The following PCDHGB3 variants were observed in gnomAD, a reference collection of about 807,000 sequenced individuals.
PCDHGB3 encodes the protein protocadherin gamma subfamily B, 3.
Under a neutral mutation model 59.2 loss-of-function variants are expected in PCDHGB3, and 40 were observed. The observed-to-expected ratio is 0.68, with a 90% CI of 0.52 to 0.88. PCDHGB3 has a LOEUF of 0.88. Among genes scored for constraint, PCDHGB3 ranks in the 40% least tolerant of loss-of-function variants. PCDHGB3 has a pLI of 0.00. For missense variants in PCDHGB3, 1,309 were observed against 1,187.9 expected, an observed-to-expected ratio of 1.10 and a Z score of -1.50; for synonymous variants, 581 against 503.6, an observed-to-expected ratio of 1.15 and a Z score of -2.06.
intron 1 of PCDHGB3, among the ~76,000 whole-genome samples, chr5:141,484,009 T>A (rs1157069536): frequency 7.1e-5 from 1 of 14,094 alleles, no homozygotes; most frequent in African/African-American, 2.8e-4. Flanking sequence ...TGGATGAGGG[T>A]GGGGGTGGGG....
chr5:141,479,710 T>C (rs901198074), intron 1 of PCDHGB3: 1 of 152,264 alleles, frequency 6.6e-6, no homozygotes, highest in African/African-American at 2.4e-5. Flanking sequence ...GTCCCTGTCC[T>C]TCCAGCCTTA....
At chr5:141,433,358 CCTATCTATCTATCTATCTAT>C (rs3074541) in intron 1 of PCDHGB3, 19 of 503,934 alleles carry the variant, frequency 3.8e-5, no homozygotes, top group South Asian at 2.3e-4. Flanking sequence ...CTACTGTCTG[CCTATCTATCTATCTATCTAT>C]CTATCTATCT....
intron 1 of PCDHGB3, chr5:141,383,640 C>A (rs1305472453): frequency 3.1e-6 from 5 of 1,613,848 alleles, no homozygotes; most frequent in Non-Finnish European, 4.2e-6. Flanking sequence ...TGCCTCAGTA[C>A]CAAGTAACTG....
chr5:141,421,353 G>C, intron 1 of PCDHGB3: 1 of 1,613,998 alleles, frequency 6.2e-7, no homozygotes, highest in Non-Finnish European at 8.5e-7. Flanking sequence ...AGACCGAAAA[G>C]GGCTCCTTCG....
intron 2 of PCDHGB3, 114 bp from the exon 3 acceptor site, chr5:141,505,279 C>A (rs780513022): frequency 1.3e-6 from 2 of 1,541,274 alleles, no homozygotes; most frequent in Non-Finnish European, 1.7e-6. Flanking sequence ...AGAAACAGGT[C>A]TTGGGCATGG....
chr5:141,395,546 G>GTT (rs2093266838), intron 1 of PCDHGB3: 4 of 32,300 alleles, frequency 1.2e-4, no homozygotes, highest in African/African-American at 9.9e-4. Context: ...TATTGTTTGT[G>GTT]TGTGTGTGTG....
rs574393099 is a variant in PCDHGB3 at position 141,372,200 on chromosome 5, C to T, written c.1806C>T (p.Ala602=). The change falls in exon 1 of 4, where the codon GCC becomes GCT. Residue 602 remains alanine, a synonymous_variant. Transcript: ENST00000576222. ...VAVDADSGYN[A]WLSYHIVQAS... is the part of the protein sequence containing the mutation. ...TGGACGCAGACTCGGGATACAACGC[C>T]TGGCTGTCCTACCACATTGTGCAGG... The T allele has an allele frequency of 2.0e-5, 32 of 1,613,598 alleles. No individual in the cohort carries two copies. The South Asian group carries it at 3.4e-4, about 17-fold the overall frequency.
intron 1 of PCDHGB3, chr5:141,383,860 G>A: frequency 6.2e-7 from 1 of 1,613,926 alleles, no homozygotes; most frequent in Non-Finnish European, 8.5e-7. Flanking sequence ...GGAGGTTCAG[G>A]CTCAAGATGG....
intron 1 of PCDHGB3, chr5:141,385,740 T>A: frequency 4.9e-6 from 1 of 202,756 alleles, no homozygotes; most frequent in Non-Finnish European, 8.9e-6. Context: ...ATTTCTTCCA[T>A]GTGAAGATTT....
chr5:141,477,749 C>A lies in PCDHGB3; in HGVS notation c.2416-17058C>A, dbSNP rs2099417192. The A allele has an allele frequency of 6.2e-7, 1 of 1,613,786 alleles. No homozygotes were observed. Among genetic ancestry groups the A allele is most frequent in the African/African-American group, 1.3e-5 (1 of 74,928 alleles). ...AGCTCATATCAGCGATGGGGGCACCCCGGTCCTAGCCACCAACATCAGCGT... is the reference window on the plus strand; with the variant it reads ...AGCTCATATCAGCGATGGGGGCACCACGGTCCTAGCCACCAACATCAGCGT... On this transcript the variant is annotated intron_variant, in intron 1 of 3. Coordinates refer to ENST00000576222, the MANE Select transcript of PCDHGB3 (RefSeq NM_018924.5). This position sits in a 1 kb window ranked among gnomAD's most constrained non-coding sequence, Gnocchi z 4.9.
chr5:141,476,281 T>G lies in PCDHGB3; in HGVS notation c.2416-18526T>G. On this transcript the variant is annotated intron_variant, in intron 1 of 3. Coordinates refer to ENST00000576222, the MANE Select transcript of PCDHGB3 (RefSeq NM_018924.5). This position sits in a 1 kb window ranked among gnomAD's most constrained non-coding sequence, Gnocchi z 7.6. ...TGGGCAACGTGGTCGCGAACCTTGGTTTGGATCTCGGTAGCCTCTCAGCCC... is the reference window on the plus strand; with the variant it reads ...TGGGCAACGTGGTCGCGAACCTTGGGTTGGATCTCGGTAGCCTCTCAGCCC... 1 of 1,614,048 alleles carries G rather than the reference T, an allele frequency of 6.2e-7. No homozygotes were observed. The highest frequency in any genetic ancestry group is 1.1e-5 in the South Asian group (1 of 91,062).
chr5:141,474,210 A>G (rs1054533367), intron 1 of PCDHGB3, among the ~76,000 whole-genome samples: 3 of 152,230 alleles, frequency 2.0e-5, no homozygotes, highest in Non-Finnish European at 4.4e-5. Context: ...ATTTTCAAAA[A>G]CCAGATTGTG....
rs1025148587 is a variant in PCDHGB3 at position 141,431,434 on chromosome 5, C to A, written c.2415+58625C>A. ...GGGGCGACCCGGTGCGCACAGGCAC[C>A]GCGCGCATCCGCGTGATGGTTCTGG... On this transcript the variant is annotated intron_variant, in intron 1 of 3. Transcript: ENST00000576222. This position sits in a 1 kb window ranked among gnomAD's most constrained non-coding sequence, Gnocchi z 4.8. 1.2e-6 allele frequency: 2 copies of A among 1,613,690 alleles called. No homozygotes were observed. Among genetic ancestry groups the A allele is most frequent in the Admixed American group, 1.7e-5 (1 of 60,014 alleles).
intron 1 of PCDHGB3, chr5:141,395,711 G>A (rs2093302364): frequency 1.3e-5 from 2 of 154,440 alleles, no homozygotes; most frequent in African/African-American, 4.8e-5. Context: ...CCTGTAACTA[G>A]GCTCTTGTAG....
At chr5:141,460,488 T>C (rs1226287742) in intron 1 of PCDHGB3, among the ~76,000 whole-genome samples, 1 of 152,186 alleles carries the variant, frequency 6.6e-6, no homozygotes, top group Admixed American at 6.6e-5. Flanking sequence ...ATTGTCTCTT[T>C]GGAAAAATAT....
chr5:141,374,160 C>T, intron 1 of PCDHGB3: 1 of 1,612,164 alleles, frequency 6.2e-7, no homozygotes, highest in Non-Finnish European at 8.5e-7. Context: ...CTGTGGGGGG[C>T]CGCGGCAGCG....
chr5:141,417,709 C>T lies in PCDHGB3; in HGVS notation c.2415+44900C>T, dbSNP rs533902963. 1.5e-5 allele frequency: 18 copies of T among 1,238,872 alleles called. No individual in the cohort carries two copies. The East Asian group carries it at 1.8e-4, about 12-fold the overall frequency. 76.7% of individuals were successfully genotyped at this position (1,238,872 alleles called of 1,614,324 possible). ...AAGAAAACCAGCTCCCACACAGAGG[C>T]TCCCGGCTGCGCAGACCTTGCCCAG... On this transcript the variant is annotated intron_variant, in intron 1 of 3. Coordinates refer to ENST00000576222, the MANE Select transcript of PCDHGB3 (RefSeq NM_018924.5).
chr5:141,431,876 GA>G lies in PCDHGB3; in HGVS notation c.2415+59068del. 6.2e-7 allele frequency: 1 copy of G among 1,614,188 alleles called. No individual in the cohort carries two copies. Among genetic ancestry groups the G allele is most frequent in the Non-Finnish European group, 8.5e-7 (1 of 1,180,008 alleles). On this transcript the variant is annotated intron_variant, in intron 1 of 3. Transcript: ENST00000576222. The surrounding 1 kb of genome is among the most constrained non-coding windows in gnomAD (Gnocchi z 4.8). ...ATTAATTGCCCTTTTAAATGTAAATGACCAAGATTCTGAGGAAAACGGACAG... is the reference window on the plus strand; with the variant it reads ...ATTAATTGCCCTTTTAAATGTAAATGCCAAGATTCTGAGGAAAACGGACAG...
chr5:141,410,598 C>T, intron 1 of PCDHGB3: 2 of 1,608,528 alleles, frequency 1.2e-6, no homozygotes, highest in Non-Finnish European at 1.7e-6. Context: ...GATTTGACTT[C>T]ACATCCTGAG....
Sources: gnomAD v4.1 joint callset for allele counts (sites outside exome capture counted in the v4.1 genomes callset) on GRCh38, gnomAD v4.1.1 for gene constraint, Gnocchi (gnomAD v3.1) non-coding constraint, MANE v1.5 for transcripts, NCBI Gene and HGNC (gene_info 2026-07-23, HGNC 2026-07-21) for gene names.